The following GSK3B variants were observed in gnomAD, a reference collection of about 807,000 sequenced individuals.
GSK3B encodes glycogen synthase kinase 3 beta.
Under a neutral mutation model 56.4 loss-of-function variants are expected in GSK3B, and 15 were observed. The ratio of observed to expected loss-of-function variants is 0.27; its 90% CI spans 0.18 to 0.41. The LOEUF is 0.41. Ranked by LOEUF, GSK3B falls within the 10% of genes least tolerant of loss-of-function variation. The pLI is 1.00. For synonymous variants in GSK3B, 181 were observed against 188.9 expected (o/e 0.96, Z 0.34); for missense variants, 300 against 513.4 (o/e 0.58, Z 4.02).
chr3:119,863,598 C>A lies in GSK3B; in HGVS notation c.917G>T (p.Arg306Leu). Residue 306 changes from arginine (R) to leucine (L), a missense_variant, in exon 9 of 11, where the codon CGA (arginine) becomes CTA (leucine). Physicochemically the swap from Arg to Leu is moderately radical, Grantham distance 102. Around this residue, in one of 6 missense-constraint regions of GSK3B, gnomAD observed 38 missense variants for 58.3 expected, o/e 0.65. Coordinates refer to ENST00000264235, the MANE Select transcript of GSK3B (RefSeq NM_001146156.2). ...IKAHPWTKVFRPRTPPEAIAL... is the reference protein window; with the variant it reads ...IKAHPWTKVFLPRTPPEAIAL... ...AATTGCCTCCGGTGGAGTTCGGGGT[C>A]GGAAGACCTGCAGTACAAAAAAAGG... The A allele has an allele frequency of 6.2e-7, 1 of 1,602,232 alleles. No individual in the cohort carries two copies. Among genetic ancestry groups the A allele is most frequent in the South Asian group, 1.1e-5 (1 of 90,232 alleles).
intron 1 of GSK3B, among the ~76,000 whole-genome samples, chr3:120,025,879 G>A (rs1296762972): frequency 6.6e-6 from 1 of 152,162 alleles, no homozygotes; most frequent in Non-Finnish European, 1.5e-5. Context: ...TGACCTTGAG[G>A]AAGTCAAGCA....
intron 10 of GSK3B, among the ~76,000 whole-genome samples, chr3:119,835,950 T>C (rs2055683949): frequency 6.6e-6 from 1 of 152,182 alleles, no homozygotes; most frequent in Non-Finnish European, 1.5e-5. Context: ...TTGCTTAACA[T>C]TTCACCTCTC....
intron 7 of GSK3B, among the ~76,000 whole-genome samples, chr3:119,889,473 G>A (rs995959932): frequency 5.3e-5 from 8 of 152,052 alleles, no homozygotes; most frequent in African/African-American, 1.9e-4. Context: ...TATATGACAT[G>A]GTACATTACT....
intron 1 of GSK3B, among the ~76,000 whole-genome samples, chr3:120,032,055 T>C (rs2057980842): frequency 6.6e-6 from 1 of 152,194 alleles, no homozygotes; most frequent in African/African-American, 2.4e-5. Flanking sequence ...CGTTCTGAAA[T>C]GCATAACAGA....
At chr3:119,869,233 A>AAAAC (rs1237489264) in intron 8 of GSK3B, among the ~76,000 whole-genome samples, 1 of 150,296 alleles carries the variant, frequency 6.7e-6, no homozygotes, top group Non-Finnish European at 1.5e-5. Flanking sequence ...CAAAAAAAAA[A>AAAAC]AAAAAAAAAA....
At chr3:120,084,663 G>A (rs1044690829) in intron 1 of GSK3B, 6 of 152,176 alleles carry the variant, frequency 3.9e-5, no homozygotes, top group Non-Finnish European at 5.9e-5. Flanking sequence ...CATCTAAGAT[G>A]TTAGAAAAAT....
At chr3:120,025,618 A>G (rs1051223187) in intron 1 of GSK3B, among the ~76,000 whole-genome samples, 6 of 152,218 alleles carry the variant, frequency 3.9e-5, no homozygotes, top group African/African-American at 1.2e-4. Flanking sequence ...TGAGAGCACT[A>G]TATCTGCAGG....
At chr3:119,922,086 G>A (rs548481787) in intron 4 of GSK3B, among the ~76,000 whole-genome samples, 2 of 151,862 alleles carry the variant, frequency 1.3e-5, no homozygotes, top group South Asian at 2.1e-4. Context: ...GCAGTGAGCC[G>A]AGATTGTGCC....
chr3:119,915,657 C>G (rs1262021047), intron 5 of GSK3B, among the ~76,000 whole-genome samples: 1 of 152,048 alleles, frequency 6.6e-6, no homozygotes, highest in East Asian at 1.9e-4. Flanking sequence ...TCCTAGACAT[C>G]ATTCCCTTTC....
chr3:119,882,859 T>A (rs2056394791), intron 7 of GSK3B, among the ~76,000 whole-genome samples: 1 of 152,230 alleles, frequency 6.6e-6, no homozygotes, highest in Admixed American at 6.5e-5. Context: ...GTTTCTTTAT[T>A]ATATTTACAA....
intron 7 of GSK3B, among the ~76,000 whole-genome samples, chr3:119,900,223 C>A (rs1373981954): frequency 6.6e-6 from 1 of 151,852 alleles, no homozygotes; most frequent in Non-Finnish European, 1.5e-5. Flanking sequence ...ATTCTAAAGG[C>A]CAGTTACAAA....
intron 2 of GSK3B, among the ~76,000 whole-genome samples, chr3:119,955,147 A>C (rs114224382): frequency 0.015 from 2,287 of 152,108 alleles, 56 homozygotes; most frequent in African/African-American, 0.051. Flanking sequence ...ATCCATCCTT[A>C]GTCATCATAA....
At chr3:119,830,891 A>G (rs1166280857) in intron 10 of GSK3B, among the ~76,000 whole-genome samples, 1 of 152,232 alleles carries the variant, frequency 6.6e-6, no homozygotes, top group African/African-American at 2.4e-5. Context: ...TATCTGGCAT[A>G]CAGCAATTGT....
chr3:120,094,116 T>G lies in GSK3B; in HGVS notation c.-682A>C. On this transcript the variant is annotated 5_prime_UTR_variant, in exon 1 of 11. It removes an upstream start codon present in the reference 5' UTR. Coordinates refer to ENST00000264235, the MANE Select transcript of GSK3B (RefSeq NM_001146156.2). The stretch of plus-strand genomic sequence containing the variant: ...AGGCGGCGGCTGGATCCAGCGGCCA[T>G]GGCGGTGGCGGAGGCAGCTCCCTTC... 4.4e-6 allele frequency: 1 copy of G among 229,000 alleles called. No individual in the cohort carries two copies. The highest frequency in any genetic ancestry group is 8.7e-6 in the Non-Finnish European group (1 of 115,176). 14.2% of individuals were successfully genotyped at this position (229,000 alleles called of 1,614,324 possible).
intron 2 of GSK3B, among the ~76,000 whole-genome samples, chr3:119,996,420 T>A (rs1469567282): frequency 6.6e-6 from 1 of 152,208 alleles, no homozygotes; most frequent in Non-Finnish European, 1.5e-5. Flanking sequence ...AAGCCAAGGC[T>A]TTGGGTGCTC....
At chr3:119,873,647 T>C (rs994883515) in intron 8 of GSK3B, among the ~76,000 whole-genome samples, 1 of 152,120 alleles carries the variant, frequency 6.6e-6, no homozygotes, top group African/African-American at 2.4e-5. Context: ...CTAGGAATTT[T>C]AAGTTTTGCA....
intron 2 of GSK3B, among the ~76,000 whole-genome samples, chr3:119,972,496 T>C (rs535331013): frequency 9.9e-5 from 15 of 152,210 alleles, no homozygotes; most frequent in Non-Finnish European, 1.9e-4. Flanking sequence ...GGTACAGTGG[T>C]GCGATCTCGG....
chr3:120,060,248 G>C (rs140662676), intron 1 of GSK3B, among the ~76,000 whole-genome samples: 231 of 152,184 alleles, frequency 1.5e-3, no homozygotes, highest in Middle Eastern at 3.4e-3. Context: ...GAAAGTGCAG[G>C]GTCAAGGACA....
At chr3:119,838,224 G>A (rs898946494) in intron 10 of GSK3B, among the ~76,000 whole-genome samples, 1 of 151,804 alleles carries the variant, frequency 6.6e-6, no homozygotes, top group Non-Finnish European at 1.5e-5. Context: ...AGGAGTTGGA[G>A]GTTACATGAG....
Sources: gnomAD v4.1 joint callset for allele counts (sites outside exome capture counted in the v4.1 genomes callset) on GRCh38, gnomAD v4.1.1 for gene constraint, gnomAD v4.1.1 regional missense constraint, MANE v1.5 for transcripts, NCBI Gene and HGNC (gene_info 2026-07-23, HGNC 2026-07-21) for gene names.